The following CAMKMT variants were observed in gnomAD, a reference collection of about 807,000 sequenced individuals.
CAMKMT encodes CaM KMT.
CAMKMT carries 53 observed loss-of-function variants against 48.0 expected under a neutral mutation model. The ratio of observed to expected loss-of-function variants is 1.10; its 90% CI spans 0.89 to 1.39. The LOEUF is 1.39. Ranked by LOEUF, CAMKMT falls within the 40% of genes most tolerant of loss-of-function variation. CAMKMT has a pLI of 0.00. For missense variants in CAMKMT, 428 were observed against 402.7 expected (o/e 1.06, Z -0.54); for synonymous variants, 165 against 152.3 (o/e 1.08, Z -0.61).
At chr2:44,724,391 T>C (rs1296188762) in intron 7 of CAMKMT, among the ~76,000 whole-genome samples, 2 of 152,224 alleles carry the variant, frequency 1.3e-5, no homozygotes, top group East Asian at 1.9e-4. Context: ...GTAGTGCTAA[T>C]TTTAAAAACA....
chr2:44,554,589 A>G (rs930900443), intron 3 of CAMKMT, among the ~76,000 whole-genome samples: 4 of 152,150 alleles, frequency 2.6e-5, no homozygotes, highest in African/African-American at 9.7e-5. Flanking sequence ...TTAAAAAATT[A>G]CTTGAGCATA....
intron 3 of CAMKMT, among the ~76,000 whole-genome samples, chr2:44,465,174 TTTAAG>T (rs1668046086): frequency 6.6e-6 from 1 of 152,292 alleles, no homozygotes; most frequent in East Asian, 1.9e-4. Context: ...TTATATGTGA[TTTAAG>T]TTATCAGTTT....
At chr2:44,731,917 C>T (rs1269460962) in intron 7 of CAMKMT, among the ~76,000 whole-genome samples, 1 of 152,152 alleles carries the variant, frequency 6.6e-6, no homozygotes, top group African/African-American at 2.4e-5. Context: ...TGTTAAACTT[C>T]ATAGGTTTGG....
chr2:44,530,976 A>C (rs1417408605), intron 3 of CAMKMT, among the ~76,000 whole-genome samples: 1 of 151,962 alleles, frequency 6.6e-6, no homozygotes, highest in Non-Finnish European at 1.5e-5. Flanking sequence ...CATTGTGCAT[A>C]TGAACTTGCT....
At chr2:44,595,499 C>A (rs1670598335) in intron 3 of CAMKMT, among the ~76,000 whole-genome samples, 1 of 152,040 alleles carries the variant, frequency 6.6e-6, no homozygotes. Flanking sequence ...TAAAAGAGGA[C>A]ACAAACAAAT....
intron 3 of CAMKMT, among the ~76,000 whole-genome samples, chr2:44,598,208 A>T (rs1670781288): frequency 6.6e-6 from 1 of 152,098 alleles, no homozygotes; most frequent in Admixed American, 6.6e-5. Flanking sequence ...AATATAAGGA[A>T]ATGCTAAATT....
At chr2:44,593,759 C>G (rs1670463702) in intron 3 of CAMKMT, among the ~76,000 whole-genome samples, 1 of 111,962 alleles carries the variant, frequency 8.9e-6, no homozygotes, top group South Asian at 2.9e-4. Context: ...AAAAAGACAA[C>G]TTCCTTTTTT....
intron 7 of CAMKMT, among the ~76,000 whole-genome samples, chr2:44,724,012 G>A (rs538687390): frequency 6.6e-6 from 1 of 152,302 alleles, no homozygotes; most frequent in African/African-American, 2.4e-5. Flanking sequence ...CTGAGATAAG[G>A]GAAGTGTTCT....
At chr2:44,678,698 A>C (rs1159881934) in intron 3 of CAMKMT, among the ~76,000 whole-genome samples, 1 of 152,144 alleles carries the variant, frequency 6.6e-6, no homozygotes, top group Non-Finnish European at 1.5e-5. Flanking sequence ...TTTTTATCTC[A>C]TGAGTAAGAC....
At chr2:44,447,188 G>C (rs1036734800) in intron 3 of CAMKMT, among the ~76,000 whole-genome samples, 8 of 152,192 alleles carry the variant, frequency 5.3e-5, no homozygotes, top group African/African-American at 1.9e-4. Context: ...GTTCCTAGTG[G>C]TTAAGAGATT....
intron 3 of CAMKMT, among the ~76,000 whole-genome samples, chr2:44,426,117 A>G (rs1684264468): frequency 6.6e-6 from 1 of 152,246 alleles, no homozygotes; most frequent in Non-Finnish European, 1.5e-5. Flanking sequence ...CAAGTAATTT[A>G]CTTTATACAA....
At chr2:44,553,498 C>A (rs528749555) in intron 3 of CAMKMT, among the ~76,000 whole-genome samples, 92 of 152,116 alleles carry the variant, frequency 6.0e-4, no homozygotes, top group Non-Finnish European at 1.1e-3. Context: ...GTAGCTGCGA[C>A]TATAGGCATG....
rs4039394 is a variant in CAMKMT, at chr2:44,725,143, CGTGTGTGT to C, written c.623+9821_623+9828del. ...TTACAGCATTGTCTTGCTTTCTGGA[CGTGTGTGT>C]GTGTGTGTGTGTGTGTGTGTGTGTG... On this transcript the variant is annotated intron_variant, in intron 7 of 10. Coordinates refer to ENST00000378494, the MANE Select transcript of CAMKMT (RefSeq NM_024766.5). 5.0e-3 allele frequency among the ~76,000 whole-genome samples: 707 copies of C among 140,644 alleles called. 6 individuals are homozygous for C. Among genetic ancestry groups the C allele is most frequent in the African/African-American group, 0.018 (686 of 37,496 alleles). The allele number at this position is 140,644 out of a possible 152,430, so 92.3% of individuals were successfully genotyped here. A position where few individuals can be genotyped will look rare whatever the true frequency, so the allele number is the denominator to read the frequency against.
At chr2:44,706,173 TC>T (rs1677547252) in intron 4 of CAMKMT, 113 bp from the exon 5 acceptor site, 2 of 969,998 alleles carry the variant, frequency 2.1e-6, no homozygotes, top group East Asian at 2.5e-5. Flanking sequence ...CTCTACAACT[TC>T]CTGGTAGCGC....
chr2:44,462,434 A>C (rs1667894905), intron 3 of CAMKMT, among the ~76,000 whole-genome samples: 1 of 152,084 alleles, frequency 6.6e-6, no homozygotes, highest in Non-Finnish European at 1.5e-5. Context: ...GAAACTTGGA[A>C]ATTTTTTTTC....
At position 44,447,821 on chromosome 2, in the gene CAMKMT, C is replaced by T. The variant is rs1051793905; in HGVS notation, c.376+57516C>T. On this transcript the variant is annotated intron_variant, in intron 3 of 10. Transcript: ENST00000378494. The stretch of plus-strand genomic sequence containing the variant: ...ATACTCCGCCCAAAAAATCTGTGAC[C>T]TTACATACAGAGCATTGAGCAACTT... Among the ~76,000 whole-genome samples the T allele has an allele frequency of 3.3e-5, 5 of 152,196 alleles. No individual in the cohort carries two copies. The East Asian group carries it at 9.6e-4, about 29-fold the overall frequency.
chr2:44,689,461 C>G (rs1253438525), intron 3 of CAMKMT, among the ~76,000 whole-genome samples: 1 of 151,860 alleles, frequency 6.6e-6, no homozygotes. Context: ...AAAGGGTGAT[C>G]TCATCAGAAT....
intron 3 of CAMKMT, among the ~76,000 whole-genome samples, chr2:44,654,426 A>G (rs753217412): frequency 3.9e-5 from 6 of 152,228 alleles, no homozygotes; most frequent in Non-Finnish European, 7.3e-5. Flanking sequence ...TAATCCTAGA[A>G]GCCAAAGATT....
rs75778298 is a variant in CAMKMT, at chr2:44,717,952, A to G, written c.623+2599A>G. On this transcript the variant is annotated intron_variant, in intron 7 of 10. Coordinates refer to ENST00000378494, the MANE Select transcript of CAMKMT (RefSeq NM_024766.5). The stretch of plus-strand genomic sequence containing the variant: ...ACTATCAGCATTTCTCCTGCTACCA[A>G]CCTCTTCCTACCTCTTACACAGGGG... Among the ~76,000 whole-genome samples, 1,187 of 151,978 alleles carry G rather than the reference A, an allele frequency of 7.8e-3. 18 individuals carry two copies. The highest frequency in any genetic ancestry group is 0.027 in the African/African-American group (1,125 of 41,470).
Sources: gnomAD v4.1 joint callset for allele counts (sites outside exome capture counted in the v4.1 genomes callset) on GRCh38, gnomAD v4.1.1 for gene constraint, MANE v1.5 for transcripts, NCBI Gene and HGNC (gene_info 2026-07-23, HGNC 2026-07-21) for gene names.